Variants in LRP1B observed in about 807,000 individuals in gnomAD.
LRP1B encodes the protein LDL receptor related protein 1B.
Under a neutral mutation model 556.6 loss-of-function variants are expected in LRP1B, and 217 were observed. That is an observed-to-expected ratio of 0.39 (90% CI 0.35 to 0.44). The LOEUF (loss-of-function observed/expected upper bound fraction) is 0.44, where lower values mean the gene tolerates loss of function less well. Among genes scored for constraint, LRP1B ranks in the 20% least tolerant of loss-of-function variants. LRP1B has a pLI of 1.00. For synonymous variants in LRP1B, 2,047 were observed against 1,865.8 expected (o/e 1.10, Z -2.50); for missense variants, 5,053 against 5,620.8 (o/e 0.90, Z 3.23).
intron 7 of LRP1B, among the ~76,000 whole-genome samples, chr2:141,126,486 G>A (rs2105013898): frequency 6.6e-6 from 1 of 152,194 alleles, no homozygotes; most frequent in South Asian, 2.1e-4. Context: ...GTCCTCTAAG[G>A]ACATCTATTA....
intron 3 of LRP1B, among the ~76,000 whole-genome samples, chr2:141,347,137 A>G (rs1428624329): frequency 2.0e-5 from 3 of 152,090 alleles, no homozygotes; most frequent in African/African-American, 7.2e-5. Context: ...GTTTTGTATA[A>G]GTTACTTTTT....
chr2:140,639,748 T>C (rs1386703028), intron 41 of LRP1B, among the ~76,000 whole-genome samples: 1 of 152,138 alleles, frequency 6.6e-6, no homozygotes, highest in East Asian at 1.9e-4. Context: ...AAATGTTATC[T>C]AGAATAAAAA....
chr2:141,985,194 C>A (rs760083156), intron 1 of LRP1B, among the ~76,000 whole-genome samples: 13 of 151,924 alleles, frequency 8.6e-5, no homozygotes, highest in Non-Finnish European at 1.5e-4. Flanking sequence ...TTTAAAAATG[C>A]CAATATAGCA....
At chr2:141,600,347 A>G (rs999333087) in intron 2 of LRP1B, among the ~76,000 whole-genome samples, 1 of 152,196 alleles carries the variant, frequency 6.6e-6, no homozygotes, top group Non-Finnish European at 1.5e-5. Context: ...AATCTAATAC[A>G]CAATACATAA....
Position 140,829,245 on chromosome 2 carries a change from G to A in LRP1B, c.5209+10746C>T, listed in dbSNP as rs188890972. ...ATCATTGAGATGGAAAATCAACCAA[G>A]AAACAGTGATGTTAAACTACACTCT... On this transcript the variant is annotated intron_variant, in intron 31 of 90. Transcript: ENST00000389484. 2.2e-4 allele frequency among the ~76,000 whole-genome samples: 33 copies of A among 152,196 alleles called. No individual in the cohort carries two copies. The East Asian group carries it at 3.9e-3, about 18-fold the overall frequency.
chr2:140,824,259 A>T (rs886944177), intron 31 of LRP1B, among the ~76,000 whole-genome samples: 29 of 152,126 alleles, frequency 1.9e-4, no homozygotes, highest in African/African-American at 5.1e-4. Flanking sequence ...TCTTTTTTTT[A>T]AAAAAGTTAC....
intron 53 of LRP1B, among the ~76,000 whole-genome samples, chr2:140,504,589 C>T (rs951384888): frequency 2.0e-5 from 3 of 152,098 alleles, no homozygotes; most frequent in African/African-American, 7.2e-5. Flanking sequence ...CTGATTAACA[C>T]CTCATATTCA....
At chr2:140,760,357 A>C (rs1461111287) in intron 35 of LRP1B, among the ~76,000 whole-genome samples, 2 of 152,214 alleles carry the variant, frequency 1.3e-5, no homozygotes, top group Non-Finnish European at 1.5e-5. Context: ...CCTGGCTTTC[A>C]TTCAACAGAT....
chr2:140,640,598 TG>T (rs967297299), intron 41 of LRP1B, among the ~76,000 whole-genome samples: 3 of 150,894 alleles, frequency 2.0e-5, no homozygotes, highest in African/African-American at 7.3e-5. Flanking sequence ...GGTTTCACCG[TG>T]GTCTCGATCT....
intron 3 of LRP1B, among the ~76,000 whole-genome samples, chr2:141,397,135 A>AAAAAAAAAAAAAAAAAT (rs1690270221): frequency 6.8e-6 from 1 of 146,282 alleles, no homozygotes; most frequent in East Asian, 2.1e-4. Flanking sequence ...AAAAAAAAAA[A>AAAAAAAAAAAAAAAAAT]GGATGTGGTT....
At chr2:142,016,012 A>AAAAAAAAAAAT (rs1559023425) in intron 1 of LRP1B, among the ~76,000 whole-genome samples, 1 of 149,330 alleles carries the variant, frequency 6.7e-6, no homozygotes, top group African/African-American at 2.4e-5. Context: ...AAAAAAAAAA[A>AAAAAAAAAAAT]GTGGGTGAAG....
chr2:142,047,642 G>C (rs1704307292), intron 1 of LRP1B, among the ~76,000 whole-genome samples: 1 of 151,910 alleles, frequency 6.6e-6, no homozygotes, highest in Admixed American at 6.6e-5. Flanking sequence ...AAGCTCCACT[G>C]CATCTCGCAG....
chr2:140,866,434 T>A (rs1692954038), intron 27 of LRP1B, among the ~76,000 whole-genome samples: 1 of 152,090 alleles, frequency 6.6e-6, no homozygotes, highest in Non-Finnish European at 1.5e-5. Context: ...TTCTATAATG[T>A]CCTCATGCTT....
chr2:140,251,184 G>A (rs1001123916), intron 86 of LRP1B, among the ~76,000 whole-genome samples: 2 of 151,784 alleles, frequency 1.3e-5, no homozygotes, highest in African/African-American at 2.4e-5. Flanking sequence ...AGCACAGTAA[G>A]CGCTTTTAGA....
intron 3 of LRP1B, among the ~76,000 whole-genome samples, chr2:141,479,841 T>G (rs975250052): frequency 1.3e-5 from 2 of 152,196 alleles, no homozygotes; most frequent in Non-Finnish European, 2.9e-5. Context: ...CCTCATATCA[T>G]TAATATCTAG....
intron 33 of LRP1B, 106 bp from the exon 34 acceptor site, chr2:140,771,112 A>G (rs960987209): frequency 8.3e-6 from 6 of 726,178 alleles, no homozygotes; most frequent in South Asian, 1.9e-5. Context: ...TGATTTCTAA[A>G]TGCAGCTGTT....
chr2:141,455,504 A>AT (rs58497312), intron 3 of LRP1B, among the ~76,000 whole-genome samples: 136 of 150,142 alleles, frequency 9.1e-4, no homozygotes, highest in African/African-American at 2.6e-3. Flanking sequence ...AATGACGTTC[A>AT]TTTTTTTTTT....
intron 3 of LRP1B, among the ~76,000 whole-genome samples, chr2:141,291,725 G>C (rs552943832): frequency 6.6e-6 from 1 of 151,526 alleles, no homozygotes; most frequent in Non-Finnish European, 1.5e-5. Flanking sequence ...GAGTGGTGGC[G>C]GGCACCTGTA....
intron 3 of LRP1B, among the ~76,000 whole-genome samples, chr2:141,266,500 T>G (rs1241711809): frequency 6.6e-6 from 1 of 151,144 alleles, no homozygotes; most frequent in African/African-American, 2.4e-5. Flanking sequence ...AATGTATAAA[T>G]TAAACAAAAA....
Sources: allele counts gnomAD v4.1 joint callset (sites outside exome capture counted in the v4.1 genomes callset), GRCh38; gene constraint gnomAD v4.1.1; transcripts MANE v1.5; gene names NCBI Gene and HGNC (gene_info 2026-07-23, HGNC 2026-07-21).